The following KHDRBS2 variants were observed in gnomAD, a reference collection of about 807,000 sequenced individuals.
KHDRBS2 encodes KH domain-containing, RNA-binding, signal transduction-associated protein 2.
A neutral mutation model predicts 44.3 loss-of-function variants in KHDRBS2; 26 were observed. The ratio of observed to expected loss-of-function variants is 0.59; its 90% CI spans 0.43 to 0.81. The LOEUF (loss-of-function observed/expected upper bound fraction) is 0.81, where lower values mean the gene tolerates loss of function less well. Ranked by LOEUF, KHDRBS2 falls within the 40% of genes least tolerant of loss-of-function variation. The probability of loss-of-function intolerance (pLI) is 0.00; values close to 1 mark genes in which losing one functional copy is unlikely to be tolerated. For missense variants in KHDRBS2, 476 were observed against 433.1 expected (o/e 1.10, Z -0.88); for synonymous variants, 194 against 151.1 (o/e 1.28, Z -2.08).
At chr6:61,996,191 T>A (rs960925223) in intron 3 of KHDRBS2, among the ~76,000 whole-genome samples, 3 of 152,198 alleles carry the variant, frequency 2.0e-5, no homozygotes, top group African/African-American at 7.2e-5. Flanking sequence ...TAAAAGGGTA[T>A]CTGTGACTTG....
intron 1 of KHDRBS2, among the ~76,000 whole-genome samples, chr6:62,227,949 T>A (rs1832200090): frequency 6.6e-6 from 1 of 152,220 alleles, no homozygotes; most frequent in Non-Finnish European, 1.5e-5. Context: ...GATATTTTCA[T>A]TGATGTTCAT....
intron 1 of KHDRBS2, among the ~76,000 whole-genome samples, chr6:62,258,945 G>T (rs1356824793): frequency 6.6e-6 from 1 of 151,984 alleles, no homozygotes; most frequent in African/African-American, 2.4e-5. Flanking sequence ...CAGGTGCAAT[G>T]ACTTCACTTC....
chr6:62,071,802 T>C (rs1383647823), intron 2 of KHDRBS2, among the ~76,000 whole-genome samples: 1 of 152,208 alleles, frequency 6.6e-6, no homozygotes, highest in Admixed American at 6.5e-5. Flanking sequence ...TCTTTCGGCT[T>C]AGGATTGATT....
chr6:61,925,870 G>A (rs555227036), intron 4 of KHDRBS2, among the ~76,000 whole-genome samples: 1 of 152,198 alleles, frequency 6.6e-6, no homozygotes, highest in African/African-American at 2.4e-5. Context: ...TTAGCACACT[G>A]CATTATGGAA....
intron 3 of KHDRBS2, among the ~76,000 whole-genome samples, chr6:62,024,215 C>G (rs564064124): frequency 1.3e-5 from 2 of 151,280 alleles, no homozygotes; most frequent in Non-Finnish European, 3.0e-5. Context: ...ACTGTAATAA[C>G]TAAGTAATGA....
intron 1 of KHDRBS2, among the ~76,000 whole-genome samples, chr6:62,248,098 C>T (rs1835905853): frequency 2.0e-5 from 3 of 151,884 alleles, no homozygotes; most frequent in Admixed American, 6.6e-5. Flanking sequence ...GTTGTTAGCT[C>T]CACTTTACAC....
chr6:61,684,897 A>G (rs1287726111), intron 8 of KHDRBS2, among the ~76,000 whole-genome samples: 1 of 151,210 alleles, frequency 6.6e-6, no homozygotes, highest in African/African-American at 2.4e-5. Context: ...TATAAGAAAT[A>G]TTAGATAAAT....
At chr6:62,100,963 A>G (rs1184735682) in intron 2 of KHDRBS2, among the ~76,000 whole-genome samples, 1 of 152,206 alleles carries the variant, frequency 6.6e-6, no homozygotes, top group Non-Finnish European at 1.5e-5. Flanking sequence ...GAGAATAAAC[A>G]TTCAACACTC....
At chr6:62,156,544 G>T (rs1584984529) in intron 2 of KHDRBS2, among the ~76,000 whole-genome samples, 3 of 152,212 alleles carry the variant, frequency 2.0e-5, no homozygotes, top group African/African-American at 7.2e-5. Flanking sequence ...TTCACATTTT[G>T]TTAGATTTCA....
intron 4 of KHDRBS2, among the ~76,000 whole-genome samples, chr6:61,970,161 A>G (rs1264217550): frequency 2.0e-5 from 3 of 151,960 alleles, no homozygotes; most frequent in Non-Finnish European, 2.9e-5. Context: ...ATATCATGCA[A>G]TCTTGTTGAC....
chr6:61,592,717 A>T, the KHDRBS2 span, among the ~76,000 whole-genome samples: 1 of 152,130 alleles, frequency 6.6e-6, no homozygotes. Flanking sequence ...GTTTATTTTC[A>T]GAAAGTTTCA....
At chr6:61,924,674 C>T (rs563660855) in intron 4 of KHDRBS2, among the ~76,000 whole-genome samples, 1 of 151,420 alleles carries the variant, frequency 6.6e-6, no homozygotes, top group Non-Finnish European at 1.5e-5. Context: ...TCTGCAATTC[C>T]TAGATTACAT....
At position 61,724,132 on chromosome 6, in the gene KHDRBS2, A is replaced by G. The variant is rs571334939; in HGVS notation, c.893+8550T>C. Among the ~76,000 whole-genome samples, 246 of 152,308 alleles carry G rather than the reference A, an allele frequency of 1.6e-3. 2 individuals carry two copies. Among genetic ancestry groups the G allele is most frequent in the Non-Finnish European group, 3.0e-3 (206 of 68,034 alleles). On this transcript the variant is annotated intron_variant, in intron 7 of 8. Coordinates refer to ENST00000281156, the MANE Select transcript of KHDRBS2 (RefSeq NM_152688.4). Reference sequence around the variant, plus strand: ...TGGAGAACCTCTCAGTGGAAACCCTATAAGCCAGGAGAGATTGGGGGCCAA... The same window carrying G: ...TGGAGAACCTCTCAGTGGAAACCCTGTAAGCCAGGAGAGATTGGGGGCCAA...
chr6:61,967,412 TAGAC>T lies in KHDRBS2; in HGVS notation c.483+10650_483+10653del, dbSNP rs756424696. On this transcript the variant is annotated intron_variant, in intron 4 of 8. Transcript: ENST00000281156. ...GCTGTGAAGATAGATGATAGATAGA[TAGAC>T]AGATAGATAGACAGATGGATAGATT... 2.4e-3 allele frequency among the ~76,000 whole-genome samples: 309 copies of T among 129,714 alleles called. 1 individual carries two copies. The highest frequency in any genetic ancestry group is 9.1e-3 in the African/African-American group (262 of 28,780). 85.1% of individuals were successfully genotyped at this position (129,714 alleles called of 152,430 possible).
At chr6:61,937,891 AC>A (rs1811335065) in intron 4 of KHDRBS2, among the ~76,000 whole-genome samples, 1 of 152,096 alleles carries the variant, frequency 6.6e-6, no homozygotes, top group Admixed American at 6.6e-5. Context: ...AATTTCTGGC[AC>A]GTGAAGATTT....
At chr6:61,572,342 A>AATTGCC in the KHDRBS2 span, among the ~76,000 whole-genome samples, 1 of 152,130 alleles carries the variant, frequency 6.6e-6, no homozygotes, top group African/African-American at 2.4e-5. Flanking sequence ...AATTGCCAAC[A>AATTGCC]AATAAAAGTT....
At chr6:61,753,300 A>C (rs1778009077) in intron 6 of KHDRBS2, among the ~76,000 whole-genome samples, 2 of 152,142 alleles carry the variant, frequency 1.3e-5, no homozygotes, top group Non-Finnish European at 2.9e-5. Context: ...AACCAATGAG[A>C]GAAGAAAGCT....
the KHDRBS2 span, among the ~76,000 whole-genome samples, chr6:61,633,396 T>C: frequency 6.6e-6 from 1 of 152,110 alleles, no homozygotes; most frequent in Non-Finnish European, 1.5e-5. Context: ...GTGAGGATAT[T>C]GAACAATTTA....
Position 62,122,712 on chromosome 6 carries a change from ACCTGAAAGTGG to A in KHDRBS2, c.219+54462_219+54472del, listed in dbSNP as rs1807962248. On this transcript the variant is annotated intron_variant, in intron 2 of 8. Coordinates refer to ENST00000281156, the MANE Select transcript of KHDRBS2 (RefSeq NM_152688.4). ...TGGCTCTGCACAATATGAAGACACCACCTGAAAGTGGACAGCTGCCGCAGCACTACAGCCCC... is the reference window on the plus strand; with the variant it reads ...TGGCTCTGCACAATATGAAGACACCAACAGCTGCCGCAGCACTACAGCCCC... 2.0e-5 allele frequency among the ~76,000 whole-genome samples: 3 copies of A among 149,830 alleles called. 1 individual carries two copies. Among genetic ancestry groups the A allele is most frequent in the South Asian group, 2.1e-4 (1 of 4,706 alleles).
Sources: allele counts gnomAD v4.1 joint callset (sites outside exome capture counted in the v4.1 genomes callset), GRCh38; gene constraint gnomAD v4.1.1; transcripts MANE v1.5; gene names NCBI Gene and HGNC (gene_info 2026-07-23, HGNC 2026-07-21).